REL: variants seen among roughly 807,000 people sequenced by gnomAD.
REL encodes REL proto-oncogene, NF-kB subunit.
REL carries 15 observed loss-of-function variants against 45.9 expected under a neutral mutation model. The observed-to-expected ratio is 0.33, with a 90% CI of 0.22 to 0.50. The LOEUF (loss-of-function observed/expected upper bound fraction) is 0.50, where lower values mean the gene tolerates loss of function less well. Ranked by LOEUF, REL falls within the 20% of genes least tolerant of loss-of-function variation. The pLI is 0.98. For missense variants in REL, 601 were observed against 715.2 expected, an observed-to-expected ratio of 0.84 and a Z score of 1.82; for synonymous variants, 239 against 242.1, an observed-to-expected ratio of 0.99 and a Z score of 0.12.
rs572646196 is a variant in REL, at chr2:60,900,120, G to A, written c.303-872G>A. The A allele has an allele frequency of 5.3e-5, 8 of 152,336 alleles. No individual in the cohort carries two copies. In the East Asian group the frequency reaches 1.5e-3, roughly 29 times the overall value. The allele number at this position is 152,336 out of a possible 1,614,324, so 9.4% of individuals were successfully genotyped here. ...CTGAATAAATGGGGCTTAGTCCCTA[G>A]CCTGTTGTTTCTGTGCCAACCTAGT... On this transcript the variant is annotated intron_variant, in intron 3 of 9. Transcript: ENST00000394479.
intron 1 of REL, among the ~76,000 whole-genome samples, chr2:60,889,933 G>A (rs969068891): frequency 1.3e-5 from 2 of 152,176 alleles, no homozygotes; most frequent in African/African-American, 4.8e-5. Context: ...CTTTATAGCA[G>A]CATGATTTAT....
rs1334452814 is a variant in REL, at chr2:60,925,275, G to A, written c.*2740G>A. On this transcript the variant is annotated 3_prime_UTR_variant, in exon 10 of 10. Transcript: ENST00000394479. ...TAACTTTACATAAACTAGTCGTTTCGGTCAAATAGAAAAATGTGTGAATGC... is the reference window on the plus strand; with the variant it reads ...TAACTTTACATAAACTAGTCGTTTCAGTCAAATAGAAAAATGTGTGAATGC... The A allele has an allele frequency of 5.1e-6, 1 of 194,522 alleles. No homozygotes were observed. Among genetic ancestry groups the A allele is most frequent in the Non-Finnish European group, 1.1e-5 (1 of 93,500 alleles). 12.0% of individuals were successfully genotyped at this position (194,522 alleles called of 1,614,324 possible).
intron 3 of REL, among the ~76,000 whole-genome samples, chr2:60,898,513 ACAT>A (rs1173412740): frequency 2.6e-5 from 4 of 152,192 alleles, no homozygotes; most frequent in African/African-American, 9.6e-5. Context: ...GGCTCCCATA[ACAT>A]CATGTATACC....
rs572820489 is a variant in REL at position 60,924,791 on chromosome 2, A to C, written c.*2256A>C. On this transcript the variant is annotated 3_prime_UTR_variant, in exon 10 of 10. Coordinates refer to ENST00000394479, the MANE Select transcript of REL (RefSeq NM_001291746.2). ...TCACATATTCATTTGGCTGGTTTCA[A>C]ATGGTGAGCTGAATGCTGGGTAATC... is the stretch of plus-strand genomic sequence containing the variant. The C allele has an allele frequency of 9.7e-6, 2 of 206,956 alleles. No homozygotes were observed. The highest frequency in any genetic ancestry group is 1.5e-4 in the East Asian group (2 of 13,720). The allele number at this position is 206,956 out of a possible 1,614,324, so 12.8% of individuals were successfully genotyped here.
intron 5 of REL, among the ~76,000 whole-genome samples, chr2:60,917,717 C>CGTGTGTGTGT (rs977815725): frequency 1.4e-5 from 2 of 145,328 alleles, no homozygotes; most frequent in East Asian, 2.2e-4. Context: ...TGTGTGTGTA[C>CGTGTGTGTGT]GTGTGTGTGT....
At chr2:60,918,851 C>T (rs1447896756) in intron 7 of REL, among the ~76,000 whole-genome samples, 2 of 152,006 alleles carry the variant, frequency 1.3e-5, no homozygotes, top group Non-Finnish European at 2.9e-5. Flanking sequence ...AGTGCAGTGG[C>T]GCAATCTTAG....
intron 1 of REL, among the ~76,000 whole-genome samples, chr2:60,890,038 T>G (rs1016253023): frequency 6.6e-6 from 1 of 152,246 alleles, no homozygotes; most frequent in Non-Finnish European, 1.5e-5. Context: ...ACTTCCACAA[T>G]GGTTGAACTA....
intron 1 of REL, among the ~76,000 whole-genome samples, chr2:60,885,162 T>C (rs984756372): frequency 1.4e-4 from 22 of 152,176 alleles, no homozygotes; most frequent in African/African-American, 5.3e-4. Flanking sequence ...CTTTCTCAAA[T>C]ACAATTTAAG....
chr2:60,924,210 G>A lies in REL; in HGVS notation c.*1675G>A, dbSNP rs1030661948. Reference sequence around the variant, plus strand: ...GCATTCCCTTTCCCCCCTGCTTTATGTATGTCCATAGCACTCACCACGATC... The same window carrying A: ...GCATTCCCTTTCCCCCCTGCTTTATATATGTCCATAGCACTCACCACGATC... On this transcript the variant is annotated 3_prime_UTR_variant, in exon 10 of 10. Coordinates refer to ENST00000394479, the MANE Select transcript of REL (RefSeq NM_001291746.2). The A allele has an allele frequency of 8.7e-6, 2 of 229,110 alleles. No homozygotes were observed. Among genetic ancestry groups the A allele is most frequent in the African/African-American group, 2.2e-5 (1 of 45,114 alleles). 14.2% of individuals were successfully genotyped at this position (229,110 alleles called of 1,614,324 possible).
intron 3 of REL, among the ~76,000 whole-genome samples, chr2:60,895,339 G>A (rs1225242057): frequency 6.6e-6 from 1 of 151,882 alleles, no homozygotes; most frequent in African/African-American, 2.4e-5. Flanking sequence ...GTACCACCAT[G>A]CCCGGCTAAT....
intron 4 of REL, 139 bp from the exon 5 acceptor site, chr2:60,916,738 T>G (rs1673971742): frequency 5.7e-6 from 3 of 529,890 alleles, no homozygotes; most frequent in Non-Finnish European, 9.9e-6. Flanking sequence ...ATTCTTGAGA[T>G]TGTATACTGT....
intron 4 of REL, among the ~76,000 whole-genome samples, chr2:60,914,835 G>GTTTTTTTT (rs34572751): frequency 1.1e-4 from 14 of 131,184 alleles, no homozygotes; most frequent in Non-Finnish European, 1.4e-4. Context: ...TTGTTTTTTT[G>GTTTTTTTT]TTTTTTTTTT....
chr2:60,895,286 G>T (rs1452848187), intron 3 of REL, among the ~76,000 whole-genome samples: 1 of 150,492 alleles, frequency 6.6e-6, no homozygotes, highest in African/African-American at 2.4e-5. Flanking sequence ...AGACTCAAGT[G>T]ATCTTCAGCC....
At chr2:60,896,596 T>G (rs1673357858) in intron 3 of REL, among the ~76,000 whole-genome samples, 1 of 152,216 alleles carries the variant, frequency 6.6e-6, no homozygotes, top group African/African-American at 2.4e-5. Flanking sequence ...ATACTTTAAA[T>G]GCTCCTCTTA....
chr2:60,891,361 CA>C (rs1673206505), intron 1 of REL, among the ~76,000 whole-genome samples: 1 of 152,156 alleles, frequency 6.6e-6, no homozygotes, highest in South Asian at 2.1e-4. Context: ...TGCTAGGTCT[CA>C]CGTGGGAGGC....
chr2:60,894,276 C>G (rs895197459), intron 2 of REL, 121 bp from the exon 3 acceptor site: 18 of 566,756 alleles, frequency 3.2e-5, no homozygotes, highest in Non-Finnish European at 4.8e-5. Flanking sequence ...TGTTCGTCAG[C>G]TGGATTTTAT....
chr2:60,929,254 T>A lies in REL; in HGVS notation c.*6719T>A, dbSNP rs1674336011. 6.7e-6 allele frequency: 1 copy of A among 148,364 alleles called. No homozygotes were observed. Among genetic ancestry groups the A allele is most frequent in the African/African-American group, 2.5e-5 (1 of 39,820 alleles). 9.2% of individuals were successfully genotyped at this position (148,364 alleles called of 1,614,324 possible). A position where few individuals can be genotyped will look rare whatever the true frequency, so the allele number is the denominator to read the frequency against. On this transcript the variant is annotated 3_prime_UTR_variant, in exon 10 of 10. Transcript: ENST00000394479. ...TAAACTAGTTCAACCATTGTGGAAG[T>A]CAGTGTGGCGATTCCTCAGGGATGT... is the stretch of plus-strand genomic sequence containing the variant.
At chr2:60,912,811 T>C (rs1029680347) in intron 4 of REL, among the ~76,000 whole-genome samples, 1 of 152,020 alleles carries the variant, frequency 6.6e-6, no homozygotes, top group Non-Finnish European at 1.5e-5. Flanking sequence ...TATGCGACTT[T>C]AGTGTATGAC....
In REL at chr2:60,881,870, G is replaced by A; in HGVS notation, c.10+20G>A. On this transcript the variant is annotated intron_variant, in intron 1 of 9. Coordinates refer to ENST00000394479, the MANE Select transcript of REL (RefSeq NM_001291746.2). The stretch of plus-strand genomic sequence containing the variant: ...CCTCCGGTGAGTGTTCATGGGGCGC[G>A]GGCCTGGGCCGGGGGAAAGGAGCTC... 8.9e-6 allele frequency: 13 copies of A among 1,458,600 alleles called. No homozygotes were observed. Among genetic ancestry groups the A allele is most frequent in the Non-Finnish European group, 1.2e-5 (13 of 1,104,424 alleles). 90.4% of individuals were successfully genotyped at this position (1,458,600 alleles called of 1,614,324 possible).
Sources: gnomAD v4.1 joint callset for allele counts (sites outside exome capture counted in the v4.1 genomes callset) on GRCh38, gnomAD v4.1.1 for gene constraint, MANE v1.5 for transcripts, NCBI Gene and HGNC (gene_info 2026-07-23, HGNC 2026-07-21) for gene names.